FN1: variants seen among roughly 807,000 people sequenced by gnomAD.
The protein encoded by FN1 is fibronectin.
A neutral mutation model predicts 297.3 loss-of-function variants in FN1; 106 were observed. That is an observed-to-expected ratio of 0.36 (90% CI 0.30 to 0.42). The LOEUF is 0.42. FN1 is among the 10% of genes least tolerant of loss of function. The pLI, the probability that FN1 is intolerant of heterozygous loss-of-function variation, is 1.00. For synonymous variants in FN1, 1,149 were observed against 1,152.6 expected (o/e 1.00, Z 0.06); for missense variants, 2,690 against 3,124.9 (o/e 0.86, Z 3.32).
intron 12 of FN1, 21 bp downstream of exon 12, chr2:215,419,221 T>G (rs1486449388): frequency 6.2e-7 from 1 of 1,612,510 alleles, no homozygotes; most frequent in Admixed American, 1.7e-5. Context: ...GTTCTCAACT[T>G]GCAGTAATAG....
intron 37 of FN1, 42 bp from the exon 38 acceptor site, chr2:215,375,435 C>A (rs1559360156): frequency 6.4e-7 from 1 of 1,573,090 alleles, no homozygotes; most frequent in African/African-American, 1.3e-5. Context: ...GGCAAATAAC[C>A]AAGAAAATTA....
At chr2:215,407,948 C>A (rs1297360387) in intron 17 of FN1, among the ~76,000 whole-genome samples, 160 bp downstream of exon 17, 3 of 7,686 alleles carry the variant, frequency 3.9e-4, no homozygotes, top group Non-Finnish European at 8.9e-4. Flanking sequence ...AACTCCCCCA[C>A]CCCCGCCACA....
chr2:215,419,194 T>G, intron 12 of FN1, 48 bp downstream of exon 12: 1 of 1,579,550 alleles, frequency 6.3e-7, no homozygotes, highest in Non-Finnish European at 8.7e-7. Context: ...TGCCCTGTTG[T>G]TATAACCCAA....
intron 2 of FN1, 91 bp from the exon 3 acceptor site, chr2:215,433,552 A>G (rs904501707): frequency 1.6e-6 from 2 of 1,247,334 alleles, no homozygotes; most frequent in Admixed American, 2.0e-5. Context: ...CCACTTCTCT[A>G]TTCCACAAGT....
At chr2:215,421,513 C>T (rs535454755) in intron 10 of FN1, among the ~76,000 whole-genome samples, 5 of 152,268 alleles carry the variant, frequency 3.3e-5, no homozygotes, top group South Asian at 4.1e-4. Context: ...CCAATATCTA[C>T]GCACTAGCCA....
chr2:215,375,431 T>A, intron 37 of FN1, 38 bp from the exon 38 acceptor site: 1 of 1,590,164 alleles, frequency 6.3e-7, no homozygotes, highest in Non-Finnish European at 8.6e-7. Flanking sequence ...AGAAGGCAAA[T>A]AACCAAGAAA....
At chr2:215,376,350 C>T (rs1275767737) in intron 36 of FN1, 148 bp downstream of exon 36, 2 of 746,964 alleles carry the variant, frequency 2.7e-6, no homozygotes, top group East Asian at 5.4e-5. Flanking sequence ...TATTTCTGAT[C>T]ATAGCATGAA....
chr2:215,362,082 G>A lies in FN1; in HGVS notation c.7252-3C>T, dbSNP rs1205703112. The A allele has an allele frequency of 4.3e-6, 7 of 1,610,102 alleles. No homozygotes were observed. In the South Asian group the frequency reaches 7.7e-5, roughly 18 times the overall value. On this transcript the variant is annotated splice_polypyrimidine_tract_variant and splice_region_variant and intron_variant, in intron 44 of 45. Coordinates refer to ENST00000354785, the MANE Select transcript of FN1 (RefSeq NM_212482.4). ...CGGCAGTTGTCACAGCGCCAGCCCT[G>A]AGAGAGTAGAGGCATGAAGTCAAAT...
intron 8 of FN1, among the ~76,000 whole-genome samples, chr2:215,423,769 A>C (rs1325860529): frequency 6.6e-6 from 1 of 152,044 alleles, no homozygotes; most frequent in African/African-American, 2.4e-5. Context: ...CAAAAGATTA[A>C]ATGATAGCTT....
At chr2:215,418,803 G>A (rs1267854475) in intron 12 of FN1, among the ~76,000 whole-genome samples, 1 of 152,132 alleles carries the variant, frequency 6.6e-6, no homozygotes, top group Non-Finnish European at 1.5e-5. Context: ...GATGCAAAGG[G>A]AGCTTAGATG....
chr2:215,371,383 T>C (rs2106237059), intron 40 of FN1, among the ~76,000 whole-genome samples: 1 of 151,816 alleles, frequency 6.6e-6, no homozygotes, highest in East Asian at 1.9e-4. Flanking sequence ...TCTTTAGATA[T>C]GTTGTAGATA....
chr2:215,432,036 A>C lies in FN1; in HGVS notation c.416-72T>G. 2.5e-6 allele frequency: 4 copies of C among 1,591,958 alleles called. No homozygotes were observed. The South Asian group carries it at 4.4e-5, about 18-fold the overall frequency. On this transcript the variant is annotated intron_variant, in intron 3 of 45. Coordinates refer to ENST00000354785, the MANE Select transcript of FN1 (RefSeq NM_212482.4). ...TTTTTTTTGGTCTCATATTCCACCCATGGTAGGTACTTAGGTTGGCTAAAG... is the reference window on the plus strand; with the variant it reads ...TTTTTTTTGGTCTCATATTCCACCCCTGGTAGGTACTTAGGTTGGCTAAAG...
In FN1 at chr2:215,408,518, T is replaced by C. The variant is rs1250263; in HGVS notation, c.2300-92A>G. ...TAAGAAGGATATTTTAAGAATTATA[T>C]ATTCATAGGGAAAAGCGACTAGAAG... On this transcript the variant is annotated intron_variant, in intron 15 of 45. Coordinates refer to ENST00000354785, the MANE Select transcript of FN1 (RefSeq NM_212482.4). 3.2e-4 allele frequency: 414 copies of C among 1,274,880 alleles called. No individual in the cohort carries two copies. The Middle Eastern group carries it at 4.1e-3, about 13-fold the overall frequency. 79.0% of individuals were successfully genotyped at this position (1,274,880 alleles called of 1,614,324 possible). A position where few individuals can be genotyped will look rare whatever the true frequency, so the allele number is the denominator to read the frequency against.
At chr2:215,426,860 AT>A (rs903873331) in intron 6 of FN1, among the ~76,000 whole-genome samples, 3 of 151,552 alleles carry the variant, frequency 2.0e-5, no homozygotes, top group African/African-American at 4.8e-5. Context: ...GACATTTATA[AT>A]TTTTTTTATT....
chr2:215,381,880 A>G (rs866415575), intron 32 of FN1: 65 of 362,558 alleles, frequency 1.8e-4, no homozygotes, highest in South Asian at 3.1e-4. Context: ...GCACACTTCA[A>G]TCAACTTTAC....
intron 9 of FN1, among the ~76,000 whole-genome samples, chr2:215,422,852 T>TA (rs1293855984): frequency 1.3e-5 from 2 of 152,022 alleles, no homozygotes; most frequent in African/African-American, 2.4e-5. Flanking sequence ...TGGGGACCTT[T>TA]AAAAAAAGAG....
chr2:215,428,011 C>G (rs932671884), intron 6 of FN1, among the ~76,000 whole-genome samples, 169 bp downstream of exon 6: 1 of 151,886 alleles, frequency 6.6e-6, no homozygotes. Flanking sequence ...AAATTTAAAA[C>G]TTGACATTAA....
chr2:215,390,407 A>ACTC (rs2059583747), intron 26 of FN1, among the ~76,000 whole-genome samples: 1 of 151,998 alleles, frequency 6.6e-6, no homozygotes, highest in African/African-American at 2.4e-5. Context: ...CTGGTCTCGA[A>ACTC]CTCCTGGGCT....
chr2:215,406,922 G>A (rs181219624), intron 18 of FN1, among the ~76,000 whole-genome samples: 15 of 152,174 alleles, frequency 9.9e-5, no homozygotes, highest in African/African-American at 3.6e-4. Context: ...GTAGATGGAC[G>A]TTATGGTGTC....
Sources: gnomAD v4.1 joint callset for allele counts (sites outside exome capture counted in the v4.1 genomes callset) on GRCh38, gnomAD v4.1.1 for gene constraint, MANE v1.5 for transcripts, NCBI Gene and HGNC (gene_info 2026-07-23, HGNC 2026-07-21) for gene names.